Variants in MITF observed in about 807,000 individuals in gnomAD.
MITF encodes melanocyte inducing transcription factor.
A neutral mutation model predicts 60.5 loss-of-function variants in MITF; 17 were observed. That is an observed-to-expected ratio of 0.28 (90% confidence interval 0.19 to 0.42). The LOEUF (loss-of-function observed/expected upper bound fraction) is 0.42. Ranked by LOEUF, MITF falls within the 10% of genes least tolerant of loss-of-function variation. The probability of loss-of-function intolerance (pLI) is 1.00; values close to 1 mark genes in which losing one functional copy is unlikely to be tolerated. For synonymous variants in MITF, 260 were observed against 248.5 expected (o/e 1.05, Z -0.43); for missense variants, 622 against 683.5 (o/e 0.91, Z 1.00).
At chr3:69,908,262 A>G (rs978091771) in intron 2 of MITF, among the ~76,000 whole-genome samples, 2 of 152,126 alleles carry the variant, frequency 1.3e-5, no homozygotes, top group East Asian at 1.9e-4. Flanking sequence ...GGGTGTAGGA[A>G]TGTCTCTCCT....
chr3:69,937,677 T>A (rs1347199634), intron 2 of MITF, 145 bp from the exon 3 acceptor site: 1 of 735,834 alleles, frequency 1.4e-6, no homozygotes. Flanking sequence ...CAAAATCCGT[T>A]AGCACAGTGC....
At chr3:69,753,960 T>C (rs1483395722) in intron 1 of MITF, among the ~76,000 whole-genome samples, 1 of 152,124 alleles carries the variant, frequency 6.6e-6, no homozygotes, top group Admixed American at 6.5e-5. Flanking sequence ...GAAGCCATGA[T>C]TGTATTTTGC....
At chr3:69,923,437 C>G (rs766923072) in intron 2 of MITF, among the ~76,000 whole-genome samples, 1 of 152,116 alleles carries the variant, frequency 6.6e-6, no homozygotes, top group Non-Finnish European at 1.5e-5. Flanking sequence ...CTCTGCCTCC[C>G]GGGTTCAATC....
chr3:69,801,768 T>C lies in MITF; in HGVS notation c.104+62067T>C, dbSNP rs1247272044. 4.6e-5 allele frequency among the ~76,000 whole-genome samples: 7 copies of C among 152,158 alleles called. No individual in the cohort carries two copies. In the East Asian group the frequency reaches 1.2e-3, roughly 25 times the overall value. ...AGGGCCTACTGGGTGACAAACTGCA[T>C]TGGAAAATGGGCTATAGAGTATGGT... On this transcript the variant is annotated intron_variant, in intron 1 of 9. Coordinates refer to ENST00000352241, the MANE Select transcript of MITF (RefSeq NM_001354604.2).
chr3:69,930,322 C>G (rs1357184184), intron 2 of MITF, among the ~76,000 whole-genome samples: 1 of 152,040 alleles, frequency 6.6e-6, no homozygotes, highest in Non-Finnish European at 1.5e-5. Context: ...AGAAAACTAG[C>G]TAAGGAGAGT....
chr3:69,820,046 TG>T (rs1437630914), intron 1 of MITF, among the ~76,000 whole-genome samples: 24 of 152,290 alleles, frequency 1.6e-4, no homozygotes, highest in African/African-American at 5.5e-4. Context: ...ACCCTTGAAA[TG>T]TGGCTAGCCC....
chr3:69,890,758 A>G (rs1191639416), intron 2 of MITF, among the ~76,000 whole-genome samples: 1 of 152,180 alleles, frequency 6.6e-6, no homozygotes, highest in East Asian at 1.9e-4. Flanking sequence ...CGCTTATTAA[A>G]CCAGAAATAA....
intron 1 of MITF, among the ~76,000 whole-genome samples, chr3:69,865,312 G>T (rs893664227): frequency 6.6e-6 from 1 of 152,216 alleles, no homozygotes. Context: ...AACTTGCCCA[G>T]TGTATGCAGC....
intron 1 of MITF, among the ~76,000 whole-genome samples, chr3:69,809,736 G>T (rs1349396634): frequency 1.3e-5 from 2 of 150,398 alleles, no homozygotes; most frequent in East Asian, 2.0e-4. Context: ...GTTGTTGTTT[G>T]CTTCTTTTGT....
At chr3:69,780,770 A>C (rs2062550168) in intron 1 of MITF, among the ~76,000 whole-genome samples, 1 of 152,226 alleles carries the variant, frequency 6.6e-6, no homozygotes, top group Admixed American at 6.5e-5. Flanking sequence ...ACAGGGAATA[A>C]ATAGAAGCTA....
chr3:69,880,443 C>A (rs2064460330), intron 2 of MITF, among the ~76,000 whole-genome samples: 1 of 151,902 alleles, frequency 6.6e-6, no homozygotes, highest in Middle Eastern at 3.2e-3. Context: ...TATAGTGATG[C>A]AATAATGGAA....
intron 2 of MITF, among the ~76,000 whole-genome samples, chr3:69,925,588 T>G (rs115672861): frequency 0.018 from 2,719 of 152,316 alleles, 70 homozygotes; most frequent in African/African-American, 0.062. Flanking sequence ...AACATCTCAA[T>G]GGCTTCTTAC....
intron 1 of MITF, among the ~76,000 whole-genome samples, chr3:69,750,437 G>T (rs1575662010): frequency 1.3e-4 from 13 of 99,110 alleles, no homozygotes; most frequent in African/African-American, 2.4e-4. Context: ...TATTATCAAT[G>T]ATTATCTCTG....
At chr3:69,807,351 C>G (rs546947968) in intron 1 of MITF, among the ~76,000 whole-genome samples, 2 of 152,294 alleles carry the variant, frequency 1.3e-5, no homozygotes, top group African/African-American at 4.8e-5. Context: ...ATGGGGAATT[C>G]AGAACTATAG....
chr3:69,790,791 C>T (rs996088013), intron 1 of MITF, among the ~76,000 whole-genome samples: 5 of 152,158 alleles, frequency 3.3e-5, no homozygotes, highest in Non-Finnish European at 1.5e-5. Context: ...AGGAGCAGCA[C>T]CCCACTTTCA....
chr3:69,943,984 C>T (rs993019195), intron 5 of MITF, among the ~76,000 whole-genome samples: 8 of 152,016 alleles, frequency 5.3e-5, no homozygotes, highest in Admixed American at 2.0e-4. Context: ...GTCCTAGCTA[C>T]TCAGGAGGCT....
At chr3:69,911,682 T>A (rs188079112) in intron 2 of MITF, among the ~76,000 whole-genome samples, 15 of 152,248 alleles carry the variant, frequency 9.9e-5, no homozygotes, top group Admixed American at 6.5e-4. Flanking sequence ...AAAAATTCAA[T>A]CTGTACCTAA....
intron 1 of MITF, among the ~76,000 whole-genome samples, chr3:69,779,692 A>C (rs1228572377): frequency 6.6e-6 from 1 of 152,116 alleles, no homozygotes; most frequent in Non-Finnish European, 1.5e-5. Flanking sequence ...GGGGTCAAAA[A>C]ATATATATAA....
chr3:69,787,708 A>G (rs2062673965), intron 1 of MITF, among the ~76,000 whole-genome samples: 1 of 152,062 alleles, frequency 6.6e-6, no homozygotes, highest in Non-Finnish European at 1.5e-5. Context: ...TGATCTCAGT[A>G]TGACTGCTCC....
Sources: gnomAD v4.1 joint callset for allele counts (sites outside exome capture counted in the v4.1 genomes callset) on GRCh38, gnomAD v4.1.1 for gene constraint, MANE v1.5 for transcripts, NCBI Gene and HGNC (gene_info 2026-07-23, HGNC 2026-07-21) for gene names.